The following MGAM2 variants were observed in gnomAD, a reference collection of about 807,000 sequenced individuals.
MGAM2 encodes the protein probable maltase-glucoamylase 2.
MGAM2 carries 98 observed loss-of-function variants against 96.1 expected under a neutral mutation model. That is an observed-to-expected ratio of 1.02 (90% CI 0.87 to 1.21). MGAM2 has a LOEUF of 1.21. MGAM2 is among the 50% of genes most tolerant of loss of function. The pLI is 0.00. For missense variants in MGAM2, 2,055 were observed against 1,182.4 expected, an observed-to-expected ratio of 1.74 and a Z score of -10.82; for synonymous variants, 749 against 414.8, an observed-to-expected ratio of 1.81 and a Z score of -9.79.
chr7:142,214,347 A>G (rs574674448), intron 46 of MGAM2, among the ~76,000 whole-genome samples: 12 of 152,216 alleles, frequency 7.9e-5, no homozygotes, highest in Non-Finnish European at 1.6e-4. Context: ...TTATTCAAAT[A>G]GGAAGAGAGG....
chr7:142,165,330 G>GTATT (rs1393010562), intron 24 of MGAM2, among the ~76,000 whole-genome samples: 2 of 152,174 alleles, frequency 1.3e-5, no homozygotes, highest in African/African-American at 2.4e-5. Flanking sequence ...TGTGCAATGG[G>GTATT]TATTTACACA....
intron 29 of MGAM2, 115 bp from the exon 30 acceptor site, chr7:142,172,537 A>G (rs1209680309): frequency 5.2e-6 from 3 of 578,922 alleles, no homozygotes; most frequent in African/African-American, 3.7e-5. Flanking sequence ...AAGACTTTCT[A>G]GAGAAGGCAT....
At chr7:142,206,909 A>G (rs1797417606) in intron 45 of MGAM2, among the ~76,000 whole-genome samples, 1 of 152,264 alleles carries the variant, frequency 6.6e-6, no homozygotes, top group African/African-American at 2.4e-5. Context: ...ATGTTAACAG[A>G]ATCCCATTCT....
At chr7:142,140,639 T>C (rs1388515834) in intron 10 of MGAM2, among the ~76,000 whole-genome samples, 163 bp from the exon 11 acceptor site, 3 of 152,176 alleles carry the variant, frequency 2.0e-5, no homozygotes, top group Non-Finnish European at 2.9e-5. Flanking sequence ...ATCATGTCTT[T>C]CAAAGATAGC....
At chr7:142,163,323 C>T (rs989303750) in intron 23 of MGAM2, among the ~76,000 whole-genome samples, 5 of 152,116 alleles carry the variant, frequency 3.3e-5, no homozygotes, top group Admixed American at 3.3e-4. Flanking sequence ...ACTGTGTTGC[C>T]CAGGCTGGAG....
At chr7:142,117,499 A>G (rs1355642463) in intron 2 of MGAM2, among the ~76,000 whole-genome samples, 1 of 152,196 alleles carries the variant, frequency 6.6e-6, no homozygotes, top group East Asian at 1.9e-4. Flanking sequence ...TTTCACGCAC[A>G]TATTATAATT....
intron 10 of MGAM2, among the ~76,000 whole-genome samples, chr7:142,139,154 A>G (rs1414158012): frequency 1.3e-5 from 2 of 152,180 alleles, no homozygotes; most frequent in Non-Finnish European, 2.9e-5. Flanking sequence ...CGGTGACCTC[A>G]TATACTCCTC....
chr7:142,177,812 A>G (rs1796421872), intron 32 of MGAM2, among the ~76,000 whole-genome samples: 1 of 152,204 alleles, frequency 6.6e-6, no homozygotes, highest in African/African-American at 2.4e-5. Flanking sequence ...GCTATTGCAG[A>G]TAGTGCTGTG....
At chr7:142,112,306 A>G (rs1477112652) in intron 1 of MGAM2, among the ~76,000 whole-genome samples, 1 of 152,130 alleles carries the variant, frequency 6.6e-6, no homozygotes, top group African/African-American at 2.4e-5. Flanking sequence ...ACCCAGGGTT[A>G]TTCCCAGAGC....
intron 19 of MGAM2, 104 bp from the exon 20 acceptor site, chr7:142,159,183 T>C (rs907654531): frequency 1.5e-6 from 1 of 649,682 alleles, no homozygotes; most frequent in African/African-American, 1.8e-5. Context: ...ATCTCAACCA[T>C]CTCTCAGGAT....
intron 36 of MGAM2, among the ~76,000 whole-genome samples, chr7:142,189,001 A>G (rs1044120641): frequency 1.3e-5 from 2 of 152,238 alleles, no homozygotes; most frequent in African/African-American, 4.8e-5. Flanking sequence ...ATTTAGAGAC[A>G]CAAATACAAA....
chr7:142,194,262 C>T (rs939492960), intron 37 of MGAM2, among the ~76,000 whole-genome samples: 1 of 152,196 alleles, frequency 6.6e-6, no homozygotes, highest in African/African-American at 2.4e-5. Context: ...GAACTGCTGA[C>T]TTCAGGTGAT....
rs532963016 is a variant in MGAM2 at position 142,171,322 on chromosome 7, T to C, written c.3233T>C (p.Ile1078Thr). Residue 1078 changes from isoleucine (I) to threonine (T), a missense_variant, in exon 28 of 48, where the codon ATT (isoleucine) becomes ACT (threonine). By Grantham distance (89) the Ile-to-Thr change is moderately conservative. Coordinates refer to ENST00000477922, the MANE Select transcript of MGAM2 (RefSeq NM_001293626.2). ...ATCTTCAATGACATGTTTCTCTCCA[T>C]TTCTACGCGTCTGCCGTCCCAGTAC... ...GFIFNDMFLS[I>T]STRLPSQYIY... The C allele has an allele frequency of 2.8e-6, 2 of 702,958 alleles. No homozygotes were observed. The highest frequency in any genetic ancestry group is 2.0e-5 in the Admixed American group (1 of 49,990). 43.5% of individuals were successfully genotyped at this position (702,958 alleles called of 1,614,324 possible).
chr7:142,149,879 C>T (rs1157883967), intron 15 of MGAM2, among the ~76,000 whole-genome samples: 2 of 151,838 alleles, frequency 1.3e-5, no homozygotes, highest in African/African-American at 4.8e-5. Context: ...TAGCATTCAC[C>T]TTGCTCTGTT....
intron 23 of MGAM2, among the ~76,000 whole-genome samples, chr7:142,162,382 C>A (rs368319968): frequency 6.6e-6 from 1 of 151,928 alleles, no homozygotes; most frequent in Admixed American, 6.6e-5. Flanking sequence ...CTTTGTAGCA[C>A]GTAAAACTTG....
At chr7:142,210,104 G>C (rs1797530575) in intron 46 of MGAM2, among the ~76,000 whole-genome samples, 1 of 152,158 alleles carries the variant, frequency 6.6e-6, no homozygotes, top group African/African-American at 2.4e-5. Context: ...GGAAGCACAA[G>C]GGGTCAGGGT....
At chr7:142,125,785 A>G (rs1794718722) in intron 3 of MGAM2, among the ~76,000 whole-genome samples, 1 of 152,164 alleles carries the variant, frequency 6.6e-6, no homozygotes, top group Non-Finnish European at 1.5e-5. Flanking sequence ...GCCTTTTTCA[A>G]ATGAGTAGTG....
intron 1 of MGAM2, among the ~76,000 whole-genome samples, chr7:142,115,146 G>A (rs4418267): frequency 0.39 from 59,486 of 152,044 alleles, 11,916 homozygotes; most frequent in South Asian, 0.47. Context: ...GAACCTGGGA[G>A]GTGGAGGTTG....
At chr7:142,173,128 A>G (rs1000038050) in intron 30 of MGAM2, 101 bp from the exon 31 acceptor site, 1 of 650,094 alleles carries the variant, frequency 1.5e-6, no homozygotes, top group African/African-American at 1.8e-5. Flanking sequence ...GAGGCCTCTT[A>G]TACAGTACTT....
Sources: allele counts gnomAD v4.1 joint callset (sites outside exome capture counted in the v4.1 genomes callset), GRCh38; gene constraint gnomAD v4.1.1; transcripts MANE v1.5; gene names NCBI Gene and HGNC (gene_info 2026-07-23, HGNC 2026-07-21).